Variants in TACC2 observed in about 807,000 individuals in gnomAD.
TACC2 encodes the protein transforming acidic coiled-coil containing protein 2, also known as transforming acidic coiled-coil-containing protein 2.
A neutral mutation model predicts 227.3 loss-of-function variants in TACC2; 137 were observed. The ratio of observed to expected loss-of-function variants is 0.60; its 90% CI spans 0.52 to 0.69. The LOEUF (loss-of-function observed/expected upper bound fraction) is 0.69. Among genes scored for constraint, TACC2 ranks in the 30% least tolerant of loss-of-function variants. TACC2 has a pLI of 0.00. For synonymous variants in TACC2, 1,523 were observed against 1,487.5 expected (o/e 1.02, Z -0.55); for missense variants, 3,470 against 3,694.4 (o/e 0.94, Z 1.57).
chr10:122,206,097 G>T (rs754025861), intron 8 of TACC2, among the ~76,000 whole-genome samples: 12 of 149,874 alleles, frequency 8.0e-5, no homozygotes, highest in Admixed American at 2.7e-4. Context: ...GGGGCGGGGG[G>T]AAAGAGGGGA....
At chr10:122,065,476 A>C (rs1022714869) in intron 3 of TACC2, among the ~76,000 whole-genome samples, 1 of 152,136 alleles carries the variant, frequency 6.6e-6, no homozygotes, top group Non-Finnish European at 1.5e-5. Flanking sequence ...ATTTAATTTC[A>C]TTGTAGCCAG....
chr10:122,002,938 C>T (rs1040803168), intron 1 of TACC2, among the ~76,000 whole-genome samples: 2 of 152,126 alleles, frequency 1.3e-5, no homozygotes, highest in African/African-American at 4.8e-5. Context: ...CATGGTGGCT[C>T]ACACCTGTAA....
At position 122,182,078 on chromosome 10, in the gene TACC2, T is replaced by C. The variant is rs1195773530; in HGVS notation, c.5835-12962T>C. 2.6e-5 allele frequency among the ~76,000 whole-genome samples: 4 copies of C among 152,266 alleles called. No individual in the cohort carries two copies. The East Asian group carries it at 5.8e-4, about 22-fold the overall frequency. ...TCTGGGTTTGCTCACTTTATTTCTA[T>C]GTGCCAAATCATGATTGAGACTCGT... On this transcript the variant is annotated intron_variant, in intron 7 of 22. Transcript: ENST00000369005.
intron 7 of TACC2, chr10:122,163,632 T>A: frequency 1.1e-5 from 11 of 1,023,464 alleles, no homozygotes; most frequent in Non-Finnish European, 1.3e-5. Flanking sequence ...ACACCGGCGC[T>A]CACGCTCATA....
intron 3 of TACC2, among the ~76,000 whole-genome samples, chr10:122,075,203 A>G (rs934164929): frequency 1.3e-5 from 2 of 148,340 alleles, no homozygotes; most frequent in African/African-American, 5.2e-5. Context: ...AAAAAAAAAA[A>G]GAAAGAAAGA....
intron 7 of TACC2, among the ~76,000 whole-genome samples, chr10:122,145,865 T>C (rs919769938): frequency 2.6e-5 from 4 of 152,170 alleles, no homozygotes; most frequent in Admixed American, 2.6e-4. Flanking sequence ...GAAGGCACAC[T>C]GGGTGATCTC....
chr10:122,146,558 G>A (rs1019484292), intron 7 of TACC2, among the ~76,000 whole-genome samples: 1 of 152,062 alleles, frequency 6.6e-6, no homozygotes, highest in Non-Finnish European at 1.5e-5. Flanking sequence ...ACCCGAGCTA[G>A]CTTACTCAGC....
In TACC2 at chr10:122,217,599, C is replaced by T. The variant is rs140249742; in HGVS notation, c.7546+771C>T. ...GATTACAGGCGCGTGCCACCACCCCCGGCTAATTTTTTGTATTTTTAGTAG... is the reference window on the plus strand; with the variant it reads ...GATTACAGGCGCGTGCCACCACCCCTGGCTAATTTTTTGTATTTTTAGTAG... On this transcript the variant is annotated intron_variant, in intron 11 of 22. Coordinates refer to ENST00000369005, the MANE Select transcript of TACC2 (RefSeq NM_206862.4). Among the ~76,000 whole-genome samples the T allele has an allele frequency of 3.9e-3, 587 of 151,750 alleles. 5 individuals carry two copies. The highest frequency in any genetic ancestry group is 0.012 in the African/African-American group (508 of 41,326).
At chr10:122,124,660 G>A (rs1030344587) in intron 5 of TACC2, among the ~76,000 whole-genome samples, 1 of 152,126 alleles carries the variant, frequency 6.6e-6, no homozygotes, top group Non-Finnish European at 1.5e-5. Context: ...TGTGTGCTGG[G>A]GAGTGGCTGT....
At chr10:122,090,144 A>G (rs2080588675) in intron 5 of TACC2, among the ~76,000 whole-genome samples, 1 of 152,186 alleles carries the variant, frequency 6.6e-6, no homozygotes, top group Non-Finnish European at 1.5e-5. Flanking sequence ...TAGTACAATA[A>G]ATATTTCATG....
chr10:122,168,195 G>A (rs936246393), intron 7 of TACC2, among the ~76,000 whole-genome samples: 12 of 152,026 alleles, frequency 7.9e-5, no homozygotes, highest in Admixed American at 7.2e-4. Flanking sequence ...ATGAGCCAGC[G>A]CACCCAGCCA....
intron 5 of TACC2, among the ~76,000 whole-genome samples, chr10:122,131,756 T>A (rs2088155553): frequency 6.6e-6 from 1 of 151,756 alleles, no homozygotes; most frequent in African/African-American, 2.4e-5. Context: ...GCGTGGTGGC[T>A]CATGCCTGTA....
chr10:122,211,507 A>C lies in TACC2; in HGVS notation c.7082A>C (p.Lys2361Thr). ...SSTSKMQESP[K>T]LPQQSYNFDP... ...ACCTCAAAAATGCAGGAGTCTCCCA[A>C]ACTGCCCCAACAATCATACAACTTT... The change falls in exon 9 of 23, where the codon AAA (lysine) becomes ACA (threonine). Residue 2361 changes from lysine to threonine, a missense_variant. This residue lies in a region of TACC2 where 593 missense variants were observed against 636.6 expected (regional missense o/e 0.93). Transcript: ENST00000369005. 1 of 1,613,718 alleles carries C rather than the reference A, an allele frequency of 6.2e-7. No individual in the cohort carries two copies. The highest frequency in any genetic ancestry group is 8.5e-7 in the Non-Finnish European group (1 of 1,179,890).
Position 122,141,692 on chromosome 10 carries a change from C to T in TACC2, c.5700-1880C>T, listed in dbSNP as rs1050602774. ...TCTAAGGTAGCATCTCCCCCCCACC[C>T]GCCACTGTTTTCTAAGACAGAGATC... On this transcript the variant is annotated intron_variant, in intron 6 of 22. Coordinates refer to ENST00000369005, the MANE Select transcript of TACC2 (RefSeq NM_206862.4). The surrounding 1 kb of genome is among the most constrained non-coding windows in gnomAD (Gnocchi z 4.3). Among the ~76,000 whole-genome samples the T allele has an allele frequency of 6.6e-5, 10 of 152,224 alleles. No individual in the cohort carries two copies. Among genetic ancestry groups the T allele is most frequent in the East Asian group, 3.9e-4 (2 of 5,170 alleles).
In TACC2 at chr10:122,087,480, G is replaced by GGTGAA. The variant is rs745587557; in HGVS notation, c.4980_4981insGTGAA (p.Arg1661ValfsTer53). 1.7e-5 allele frequency: 27 copies of GGTGAA among 1,614,022 alleles called. No homozygotes were observed. The African/African-American group carries it at 2.0e-4, about 12-fold the overall frequency. On this transcript the variant is annotated frameshift_variant, in exon 4 of 23. Coordinates refer to ENST00000369005, the MANE Select transcript of TACC2 (RefSeq NM_206862.4). LOFTEE classifies it high-confidence loss of function. The stretch of plus-strand genomic sequence containing the variant: ...CCCTTGACACGCTTGGGGGTGAAAG[G>GGTGAA]AGACCCGGAGTCACTGCTGGCATCT...
At chr10:122,006,658 G>C (rs938932426) in intron 1 of TACC2, among the ~76,000 whole-genome samples, 1 of 151,834 alleles carries the variant, frequency 6.6e-6, no homozygotes, top group Non-Finnish European at 1.5e-5. Context: ...CGTAGATTCA[G>C]GTATTTTCCT....
chr10:122,186,879 G>C (rs2094213975), intron 7 of TACC2, among the ~76,000 whole-genome samples: 3 of 152,222 alleles, frequency 2.0e-5, no homozygotes, highest in African/African-American at 7.2e-5. Context: ...ATTTTGGGGA[G>C]ATCTGTGTGC....
At chr10:122,239,210 T>G (rs952038068) in intron 18 of TACC2, among the ~76,000 whole-genome samples, 17 of 152,198 alleles carry the variant, frequency 1.1e-4, no homozygotes, top group African/African-American at 4.1e-4. Context: ...GGTTTTACCA[T>G]GTTGGCCAGG....
intron 16 of TACC2, among the ~76,000 whole-genome samples, chr10:122,233,656 C>T (rs2095801527): frequency 6.6e-6 from 1 of 152,170 alleles, no homozygotes; most frequent in African/African-American, 2.4e-5. Flanking sequence ...AGCCGAGGTT[C>T]AAAAGGAGGG....
Sources: allele counts gnomAD v4.1 joint callset (sites outside exome capture counted in the v4.1 genomes callset), GRCh38; gene constraint gnomAD v4.1.1; regional missense constraint gnomAD v4.1.1; non-coding constraint Gnocchi (gnomAD v3.1); transcripts MANE v1.5; gene names NCBI Gene and HGNC (gene_info 2026-07-23, HGNC 2026-07-21).